Variants in ITSN1 observed in about 807,000 individuals in gnomAD.
ITSN1 encodes the protein intersectin-1.
Under a neutral mutation model 239.8 loss-of-function variants are expected in ITSN1, and 58 were observed. The ratio of observed to expected loss-of-function variants is 0.24; its 90% CI spans 0.20 to 0.30. The LOEUF is 0.30. Ranked by LOEUF, ITSN1 falls within the 10% of genes least tolerant of loss-of-function variation. The pLI is 1.00. For missense variants in ITSN1, 1,558 were observed against 2,103.3 expected, an observed-to-expected ratio of 0.74 and a Z score of 5.07; for synonymous variants, 780 against 770.8, an observed-to-expected ratio of 1.01 and a Z score of -0.20.
At chr21:33,756,593 T>C (rs180766279) in intron 8 of ITSN1, among the ~76,000 whole-genome samples, 43 of 152,248 alleles carry the variant, frequency 2.8e-4, no homozygotes, top group Non-Finnish European at 8.8e-5. Context: ...TTGGACGAGA[T>C]TTTGAAGGGT....
intron 1 of ITSN1, among the ~76,000 whole-genome samples, chr21:33,717,518 A>G (rs951978765): frequency 6.6e-6 from 1 of 151,864 alleles, no homozygotes; most frequent in African/African-American, 2.4e-5. Context: ...TTAACTGTGC[A>G]TTTACCCTGT....
At chr21:33,804,839 A>G (rs1260291083) in intron 20 of ITSN1, among the ~76,000 whole-genome samples, 1 of 152,198 alleles carries the variant, frequency 6.6e-6, no homozygotes, top group Non-Finnish European at 1.5e-5. Context: ...AACACTAATA[A>G]TAGCTGATGA....
intron 1 of ITSN1, among the ~76,000 whole-genome samples, chr21:33,710,340 G>C (rs1362213476): frequency 1.3e-5 from 2 of 151,958 alleles, no homozygotes; most frequent in Non-Finnish European, 2.9e-5. Context: ...AAAGTGCTGG[G>C]ATTACAGGCG....
At chr21:33,751,250 T>G (rs951685369) in intron 6 of ITSN1, among the ~76,000 whole-genome samples, 12 of 152,220 alleles carry the variant, frequency 7.9e-5, no homozygotes, top group Non-Finnish European at 1.3e-4. Context: ...TCTATTCTTT[T>G]GTGACTAATG....
intron 8 of ITSN1, among the ~76,000 whole-genome samples, chr21:33,758,407 G>A (rs1213397964): frequency 2.3e-4 from 35 of 152,214 alleles, no homozygotes; most frequent in Admixed American, 2.2e-3. Context: ...GAGCCACCGC[G>A]TCTGGCCTTA....
chr21:33,773,711 G>A lies in ITSN1; in HGVS notation c.1306-1018G>A, dbSNP rs138491843. Among the ~76,000 whole-genome samples the A allele has an allele frequency of 8.0e-3, 1,209 of 150,510 alleles. 53 individuals are homozygous for A. The highest frequency in any genetic ancestry group is 0.068 in the Admixed American group (1,022 of 15,138). ...TTTTTTTTTTTTGAGACAGACTCTC[G>A]CTCTGTTGCCCAGGCTGGAGTGCAG... On this transcript the variant is annotated intron_variant, in intron 12 of 39. Coordinates refer to ENST00000381318, the MANE Select transcript of ITSN1 (RefSeq NM_003024.3).
At chr21:33,677,096 G>A (rs1337379115) in intron 1 of ITSN1, among the ~76,000 whole-genome samples, 1 of 152,000 alleles carries the variant, frequency 6.6e-6, no homozygotes, top group Non-Finnish European at 1.5e-5. Flanking sequence ...CATGGCACAT[G>A]TATACATATG....
intron 29 of ITSN1, among the ~76,000 whole-genome samples, chr21:33,855,289 G>A (rs1011849263): frequency 2.0e-5 from 3 of 152,166 alleles, no homozygotes; most frequent in African/African-American, 4.8e-5. Flanking sequence ...CACTTCAGCC[G>A]GGGCATCTCT....
At chr21:33,710,009 G>T (rs1568993076) in intron 1 of ITSN1, among the ~76,000 whole-genome samples, 1 of 150,906 alleles carries the variant, frequency 6.6e-6, no homozygotes, top group Non-Finnish European at 1.5e-5. Flanking sequence ...GATGTAGGTT[G>T]TTCATGGATC....
intron 8 of ITSN1, among the ~76,000 whole-genome samples, chr21:33,761,041 T>C (rs1362295131): frequency 1.3e-5 from 2 of 152,072 alleles, no homozygotes; most frequent in Non-Finnish European, 2.9e-5. Flanking sequence ...TTCTTCTTTT[T>C]TTTTTTTTTC....
At position 33,899,861 on chromosome 21, in the gene ITSN1, A is replaced by G. The variant is rs1369601119; in HGVS notation, c.*11561A>G. ...TTCATGAATAAAAGGAGAAAAGCCA[A>G]TCTGTTATAGTGGATTATTTTGGGT... is the stretch of plus-strand genomic sequence containing the variant. On this transcript the variant is annotated 3_prime_UTR_variant, in exon 40 of 40. Coordinates refer to ENST00000381318, the MANE Select transcript of ITSN1 (RefSeq NM_003024.3). 1.3e-5 allele frequency: 2 copies of G among 152,190 alleles called. No homozygotes were observed. The highest frequency in any genetic ancestry group is 2.9e-5 in the Non-Finnish European group (2 of 68,040). The allele number at this position is 152,190 out of a possible 1,614,324, so 9.4% of individuals were successfully genotyped here.
intron 1 of ITSN1, among the ~76,000 whole-genome samples, chr21:33,702,254 T>C (rs1019743872): frequency 1.3e-5 from 2 of 151,778 alleles, no homozygotes; most frequent in African/African-American, 4.8e-5. Flanking sequence ...GTAGCTGGGA[T>C]TACAGGTGCT....
chr21:33,747,308 T>C (rs913324062), intron 5 of ITSN1, among the ~76,000 whole-genome samples: 1 of 151,768 alleles, frequency 6.6e-6, no homozygotes, highest in African/African-American at 2.4e-5. Flanking sequence ...AACAAAAAGA[T>C]TGAAAAAAAA....
At chr21:33,781,690 T>TG in intron 15 of ITSN1, 142 bp downstream of exon 15, 1 of 588,410 alleles carries the variant, frequency 1.7e-6, no homozygotes, top group Non-Finnish European at 2.9e-6. Flanking sequence ...AAGATTCTCT[T>TG]GCCTCAGCCT....
intron 5 of ITSN1, among the ~76,000 whole-genome samples, chr21:33,737,612 C>T (rs545210341): frequency 4.6e-5 from 7 of 152,194 alleles, no homozygotes; most frequent in Non-Finnish European, 8.8e-5. Flanking sequence ...CTCACTTAGT[C>T]GCCCAGGCTG....
chr21:33,643,623 A>G (rs185183979), intron 1 of ITSN1: 2 of 152,140 alleles, frequency 1.3e-5, no homozygotes, highest in African/African-American at 4.8e-5. Flanking sequence ...GTTGGAGGCT[A>G]TAGAGATTTT....
At chr21:33,659,735 TA>T (rs2089404461) in intron 1 of ITSN1, among the ~76,000 whole-genome samples, 1 of 92,616 alleles carries the variant, frequency 1.1e-5, no homozygotes, top group African/African-American at 4.3e-5. Context: ...TTTTTTGAGA[TA>T]AAATCTTGCT....
chr21:33,751,730 CTG>C, intron 6 of ITSN1, 78 bp from the exon 7 acceptor site: 3 of 1,053,438 alleles, frequency 2.8e-6, no homozygotes, highest in South Asian at 1.3e-5. Context: ...GATTTGTTGA[CTG>C]TGCATTTTAA....
chr21:33,648,855 G>A (rs1390783819), intron 1 of ITSN1, among the ~76,000 whole-genome samples: 2 of 151,878 alleles, frequency 1.3e-5, no homozygotes, highest in African/African-American at 4.8e-5. Flanking sequence ...GGCAGGGCAA[G>A]AGAGAGAGAA....
Sources: gnomAD v4.1 joint callset for allele counts (sites outside exome capture counted in the v4.1 genomes callset) on GRCh38, gnomAD v4.1.1 for gene constraint, MANE v1.5 for transcripts, NCBI Gene and HGNC (gene_info 2026-07-23, HGNC 2026-07-21) for gene names.